Variants in KANSL1 observed in about 807,000 individuals in gnomAD.
KANSL1 encodes the protein MLL1/MLL complex subunit KANSL1.
A neutral mutation model predicts 103.6 loss-of-function variants in KANSL1; 22 were observed. The observed-to-expected ratio is 0.21, with a 90% CI of 0.15 to 0.30. The LOEUF is 0.30. Ranked by LOEUF, KANSL1 falls within the 10% of genes least tolerant of loss-of-function variation. The pLI is 1.00. For synonymous variants in KANSL1, 600 were observed against 527.6 expected, an observed-to-expected ratio of 1.14 and a Z score of -1.88; for missense variants, 1,337 against 1,399.8, an observed-to-expected ratio of 0.96 and a Z score of 0.72.
chr17:46,126,436 G>C, intron 2 of KANSL1, among the ~76,000 whole-genome samples: 1 of 147,526 alleles, frequency 6.8e-6, no homozygotes, highest in South Asian at 2.1e-4. Context: ...GAGTAACTAC[G>C]TCTCAAAAAA....
intron 2 of KANSL1, among the ~76,000 whole-genome samples, chr17:46,109,847 T>C (rs183701582): frequency 1.8e-4 from 27 of 152,316 alleles, no homozygotes; most frequent in Admixed American, 8.5e-4. Flanking sequence ...AATATTTGTT[T>C]TGAAAAACGT....
chr17:46,146,404 C>T (rs1197546654), intron 2 of KANSL1, among the ~76,000 whole-genome samples: 2 of 152,110 alleles, frequency 1.3e-5, no homozygotes, highest in Non-Finnish European at 1.5e-5. Context: ...AGCTGGTACT[C>T]AGTCTTATGA....
chr17:46,121,673 C>A (rs564909774), intron 2 of KANSL1, among the ~76,000 whole-genome samples: 1 of 152,040 alleles, frequency 6.6e-6, no homozygotes, highest in African/African-American at 2.4e-5. Flanking sequence ...TTGACCCCCC[C>A]ACCCCACTAG....
At position 46,192,900 on chromosome 17, in the gene KANSL1, G is replaced by C. The variant is rs2047416295; in HGVS notation, c.-167C>G. 6.6e-6 allele frequency: 1 copy of C among 152,324 alleles called. No homozygotes were observed. Among genetic ancestry groups the C allele is most frequent in the Non-Finnish European group, 1.5e-5 (1 of 68,174 alleles). 9.4% of individuals were successfully genotyped at this position (152,324 alleles called of 1,614,324 possible). On this transcript the variant is annotated 5_prime_UTR_variant, in exon 1 of 15. Transcript: ENST00000432791. Reference sequence around the variant, plus strand: ...AGTTTGCAAACAGCCCCCCGGCCTGGGCGCCGAGGGCCAGCGGCGGGCGGG... The same window carrying C: ...AGTTTGCAAACAGCCCCCCGGCCTGCGCGCCGAGGGCCAGCGGCGGGCGGG...
chr17:46,212,638 G>A (rs950865214), intron 1 of KANSL1, among the ~76,000 whole-genome samples: 1 of 152,148 alleles, frequency 6.6e-6, no homozygotes, highest in Non-Finnish European at 1.5e-5. Flanking sequence ...TCACTAATAT[G>A]AATAATGTTA....
intron 6 of KANSL1, among the ~76,000 whole-genome samples, chr17:46,060,003 G>C (rs1302272666): frequency 6.7e-6 from 1 of 150,242 alleles, no homozygotes; most frequent in East Asian, 1.9e-4. Flanking sequence ...AGTGAGACCT[G>C]CATCTCAATA....
At position 46,030,714 on chromosome 17, in the gene KANSL1, A is replaced by T. The variant is rs2076984782; in HGVS notation, c.*762T>A. On this transcript the variant is annotated 3_prime_UTR_variant, in exon 15 of 15. Coordinates refer to ENST00000432791, the MANE Select transcript of KANSL1 (RefSeq NM_015443.4). The stretch of plus-strand genomic sequence containing the variant: ...CTTCAAAGATCAGGATAGGTGGTAA[A>T]AATATTCCAAGTGGAAGGACGGGTT... The T allele has an allele frequency of 6.6e-6, 1 of 152,220 alleles. No homozygotes were observed. Among genetic ancestry groups the T allele is most frequent in the South Asian group, 2.1e-4 (1 of 4,828 alleles). 9.4% of individuals were successfully genotyped at this position (152,220 alleles called of 1,614,324 possible). A position where few individuals can be genotyped will look rare whatever the true frequency, so the allele number is the denominator to read the frequency against.
At chr17:46,069,724 AGAG>A (rs2078508550) in intron 4 of KANSL1, among the ~76,000 whole-genome samples, 1 of 151,342 alleles carries the variant, frequency 6.6e-6, no homozygotes, top group Non-Finnish European at 1.5e-5. Context: ...AGCCTGGGAA[AGAG>A]AGAGAGAGAG....
chr17:46,163,759 T>A (rs982075171), intron 2 of KANSL1, among the ~76,000 whole-genome samples: 1 of 152,258 alleles, frequency 6.6e-6, no homozygotes, highest in Non-Finnish European at 1.5e-5. Flanking sequence ...TTAAGTCCCA[T>A]TCAATTTACC....
rs947698008 is a variant in KANSL1, at chr17:46,066,602, G to C, written c.1783C>G (p.Pro595Ala). The C allele has an allele frequency of 2.4e-5, 38 of 1,614,030 alleles. No homozygotes were observed. The highest frequency in any genetic ancestry group is 3.1e-5 in the Non-Finnish European group (36 of 1,180,032). Reference protein sequence around the residue: ...DGTCVAARTRPVLSCKKRRLV... With the variant: ...DGTCVAARTRAVLSCKKRRLV... ...CTCCGCTTCTTACAGCTCAGTACAG[G>C]ACGTGTCCGGGCTGCCACACAGGTG... Residue 595 changes from proline to alanine, a missense_variant, in exon 6 of 15, where the codon CCT (proline) becomes GCT (alanine). Physicochemically the swap from Pro to Ala is conservative, Grantham distance 27. This residue lies in a region of KANSL1 where 780 missense variants were observed against 923.4 expected (regional missense o/e 0.84). Transcript: ENST00000432791.
intron 2 of KANSL1, among the ~76,000 whole-genome samples, chr17:46,147,380 T>C (rs1480301310): frequency 6.6e-6 from 1 of 151,830 alleles, no homozygotes; most frequent in East Asian, 1.9e-4. Context: ...TCACGACCAG[T>C]GTGGGCAAGG....
intron 2 of KANSL1, among the ~76,000 whole-genome samples, chr17:46,098,619 T>C (rs1160067084): frequency 6.6e-6 from 1 of 152,254 alleles, no homozygotes; most frequent in Non-Finnish European, 1.5e-5. Flanking sequence ...TAATATGTTT[T>C]GGATAATATG....
At chr17:46,053,552 C>T (rs1021842393) in intron 6 of KANSL1, among the ~76,000 whole-genome samples, 3 of 152,012 alleles carry the variant, frequency 2.0e-5, no homozygotes, top group East Asian at 3.9e-4. Context: ...CTGCCTCAGC[C>T]TCTCAAGTAG....
intron 5 of KANSL1, among the ~76,000 whole-genome samples, chr17:46,067,198 T>C (rs1203039407): frequency 3.3e-5 from 5 of 152,216 alleles, no homozygotes; most frequent in Non-Finnish European, 4.4e-5. Context: ...CCTTGAATCT[T>C]CATAAATACA....
rs202231419 is a variant in KANSL1, at chr17:46,039,795, A to G, written c.2110T>C (p.Ser704Pro). The change falls in exon 8 of 15, where the codon TCG (serine) becomes CCG (proline). Residue 704 changes from serine to proline, a missense_variant. Physicochemically the swap from Ser to Pro is moderately conservative, Grantham distance 74. Around this residue, in one of 2 missense-constraint regions of KANSL1, gnomAD observed 780 missense variants for 923.4 expected, o/e 0.84. Transcript: ENST00000432791. ...FDKIKPPKKL[S>P]LKHRAPMPGS... ...GGCATGGGTGCTCTGTGCTTAAGCG[A>G]TAACTTTTTGGGAGGTTTGATTTTG... The G allele has an allele frequency of 1.8e-4, 285 of 1,614,216 alleles. No homozygotes were observed. The highest frequency in any genetic ancestry group is 2.2e-4 in the Non-Finnish European group (259 of 1,180,042).
intron 2 of KANSL1, among the ~76,000 whole-genome samples, chr17:46,165,588 G>A (rs1377794752): frequency 3.3e-5 from 5 of 151,482 alleles, no homozygotes; most frequent in African/African-American, 1.2e-4. Flanking sequence ...TCAGCTCACT[G>A]CAACTCCTGC....
intron 2 of KANSL1, among the ~76,000 whole-genome samples, chr17:46,145,428 T>TA (rs1344554319): frequency 6.6e-6 from 1 of 152,260 alleles, no homozygotes; most frequent in Non-Finnish European, 1.5e-5. Flanking sequence ...GAGATAATTC[T>TA]AAATTCCCCA....
At chr17:46,058,737 ACACACACTCTCTCTCTCTCTCTCTCT>A (rs746432657) in intron 6 of KANSL1, among the ~76,000 whole-genome samples, 18,646 of 71,062 alleles carry the variant, frequency 0.26, 1,535 homozygotes, top group Non-Finnish European at 0.37. Context: ...ACACACACAC[ACACACACTCTCTCTCTCTCTCTCTCT>A]CTCTCTCTCT....
At chr17:46,149,484 C>T (rs539854429) in intron 2 of KANSL1, among the ~76,000 whole-genome samples, 1 of 152,306 alleles carries the variant, frequency 6.6e-6, no homozygotes, top group African/African-American at 2.4e-5. Context: ...CTTTGCAGGC[C>T]ACACAGTCTC....
Sources: allele counts gnomAD v4.1 joint callset (sites outside exome capture counted in the v4.1 genomes callset), GRCh38; gene constraint gnomAD v4.1.1; regional missense constraint gnomAD v4.1.1; transcripts MANE v1.5; gene names NCBI Gene and HGNC (gene_info 2026-07-23, HGNC 2026-07-21).